The following CDH18 variants were observed in gnomAD, a reference collection of about 807,000 sequenced individuals.
The protein encoded by CDH18 is cadherin-18.
Under a neutral mutation model 67.9 loss-of-function variants are expected in CDH18, and 31 were observed. The observed-to-expected ratio is 0.46, with a 90% CI of 0.34 to 0.62. The LOEUF (loss-of-function observed/expected upper bound fraction) is 0.62. Ranked by LOEUF, CDH18 falls within the 20% of genes least tolerant of loss-of-function variation. The pLI is 0.01. For missense variants in CDH18, 890 were observed against 975.5 expected, an observed-to-expected ratio of 0.91 and a Z score of 1.17; for synonymous variants, 362 against 347.2, an observed-to-expected ratio of 1.04 and a Z score of -0.48.
chr5:20,379,498 C>T (rs1743741163), intron 1 of CDH18, among the ~76,000 whole-genome samples: 2 of 152,020 alleles, frequency 1.3e-5, no homozygotes, highest in African/African-American at 4.8e-5. Context: ...TTTCAGGTAC[C>T]TCTATACAGC....
At chr5:19,983,854 G>A (rs1799300137) in intron 1 of CDH18, among the ~76,000 whole-genome samples, 2 of 152,114 alleles carry the variant, frequency 1.3e-5, no homozygotes, top group African/African-American at 4.8e-5. Flanking sequence ...CATTTAAAAA[G>A]ATTGTAATAA....
chr5:19,497,628 T>C (rs1427580711), intron 11 of CDH18, among the ~76,000 whole-genome samples: 1 of 152,176 alleles, frequency 6.6e-6, no homozygotes, highest in African/African-American at 2.4e-5. Context: ...TTTAGTTATT[T>C]AGCAAAGCAG....
intron 1 of CDH18, among the ~76,000 whole-genome samples, chr5:20,330,242 G>T (rs554903536): frequency 1.3e-5 from 2 of 152,076 alleles, no homozygotes; most frequent in South Asian, 4.2e-4. Context: ...TCAATTAAAC[G>T]ATTAAAGGTA....
At chr5:19,893,727 A>C (rs1789012402) in intron 2 of CDH18, among the ~76,000 whole-genome samples, 1 of 152,104 alleles carries the variant, frequency 6.6e-6, no homozygotes, top group Admixed American at 6.6e-5. Context: ...AGATTTATGG[A>C]AGTTAATGTG....
intron 2 of CDH18, among the ~76,000 whole-genome samples, chr5:20,007,672 A>AGTGTGTGTGTGTGTGT (rs145213048): frequency 7.1e-6 from 1 of 140,156 alleles, no homozygotes; most frequent in Non-Finnish European, 1.6e-5. Flanking sequence ...GTGTGTGGAA[A>AGTGTGTGTGTGTGTGT]GTGTGTGTGT....
At chr5:20,376,343 T>C (rs183101883) in intron 1 of CDH18, among the ~76,000 whole-genome samples, 68 of 151,514 alleles carry the variant, frequency 4.5e-4, no homozygotes, top group African/African-American at 7.2e-4. Context: ...CCGCCTCGGC[T>C]TCCCAAAGTG....
chr5:19,535,676 A>G (rs1363876205), intron 9 of CDH18, among the ~76,000 whole-genome samples: 1 of 152,206 alleles, frequency 6.6e-6, no homozygotes, highest in African/African-American at 2.4e-5. Flanking sequence ...AAAAGACTCA[A>G]TGAATAAAGA....
At chr5:19,730,844 C>G (rs1258787157) in intron 4 of CDH18, among the ~76,000 whole-genome samples, 1 of 150,380 alleles carries the variant, frequency 6.6e-6, no homozygotes, top group Non-Finnish European at 1.5e-5. Context: ...AACAGCATCA[C>G]CAGAATACAT....
intron 5 of CDH18, among the ~76,000 whole-genome samples, chr5:19,710,714 A>G (rs1764601831): frequency 6.6e-6 from 1 of 152,070 alleles, no homozygotes; most frequent in African/African-American, 2.4e-5. Context: ...TTATTTAAAA[A>G]TAATAATCCA....
At chr5:19,845,123 T>A (rs1782773828) in intron 2 of CDH18, among the ~76,000 whole-genome samples, 1 of 152,086 alleles carries the variant, frequency 6.6e-6, no homozygotes, top group Admixed American at 6.6e-5. Flanking sequence ...ATATCCAAAT[T>A]ATAGTTGTTA....
At chr5:19,668,645 T>C (rs1370449279) in intron 5 of CDH18, among the ~76,000 whole-genome samples, 1 of 152,098 alleles carries the variant, frequency 6.6e-6, no homozygotes, top group Non-Finnish European at 1.5e-5. Context: ...TTAAAAGATG[T>C]GTGAATGAGT....
intron 2 of CDH18, among the ~76,000 whole-genome samples, chr5:19,894,110 A>C (rs148420835): frequency 5.9e-5 from 9 of 152,182 alleles, no homozygotes; most frequent in Non-Finnish European, 1.3e-4. Context: ...CAAGGGCTCC[A>C]TAATTTCTAA....
At chr5:20,338,676 A>G (rs1411658835) in intron 1 of CDH18, among the ~76,000 whole-genome samples, 1 of 152,164 alleles carries the variant, frequency 6.6e-6, no homozygotes, top group Non-Finnish European at 1.5e-5. Context: ...AACAAGGAGG[A>G]ATATGTTTGG....
chr5:20,394,535 TAACA>T (rs35013682), intron 1 of CDH18, among the ~76,000 whole-genome samples: 28,856 of 151,898 alleles, frequency 0.19, 2,990 homozygotes, highest in African/African-American at 0.26. Context: ...AATTTATAAC[TAACA>T]AATAGCCCAA....
At chr5:19,612,671 C>G in intron 5 of CDH18, 70 bp from the exon 6 acceptor site, 1 of 1,136,872 alleles carries the variant, frequency 8.8e-7, no homozygotes, top group Admixed American at 2.1e-5. Flanking sequence ...CATACACATA[C>G]ATATTTTAAG....
intron 7 of CDH18, among the ~76,000 whole-genome samples, chr5:19,578,610 C>A (rs966923): frequency 1 from 151,564 of 151,868 alleles, 75,630 homozygotes; most frequent in Non-Finnish European, 1. Context: ...TTCTTTATTC[C>A]TTTTCTTATT....
chr5:20,011,954 G>C (rs996960143), intron 2 of CDH18, among the ~76,000 whole-genome samples: 1 of 152,098 alleles, frequency 6.6e-6, no homozygotes, highest in African/African-American at 2.4e-5. Flanking sequence ...TGGGCTCATA[G>C]AATGAGTTAG....
intron 6 of CDH18, among the ~76,000 whole-genome samples, chr5:19,612,042 AAAAATTCAGTC>A (rs1749063614): frequency 6.6e-6 from 1 of 151,292 alleles, no homozygotes; most frequent in African/African-American, 2.4e-5. Flanking sequence ...AATTTTTTTA[AAAAATTCAGTC>A]ACAGAATGTA....
intron 3 of CDH18, among the ~76,000 whole-genome samples, chr5:19,780,452 C>G (rs1774976077): frequency 6.6e-6 from 1 of 152,054 alleles, no homozygotes; most frequent in Non-Finnish European, 1.5e-5. Context: ...ATCCTACTGT[C>G]ACTTTCTTCT....
Sources: allele counts gnomAD v4.1 joint callset (sites outside exome capture counted in the v4.1 genomes callset), GRCh38; gene constraint gnomAD v4.1.1; transcripts MANE v1.5; gene names NCBI Gene and HGNC (gene_info 2026-07-23, HGNC 2026-07-21).